The following NOL10 variants were observed in gnomAD, a reference collection of about 807,000 sequenced individuals.
The protein encoded by NOL10 is nucleolar protein 10.
In NOL10, 58 loss-of-function variants were observed where a neutral mutation model predicts 103.5. That is an observed-to-expected ratio of 0.56 (90% CI 0.45 to 0.70). The LOEUF (loss-of-function observed/expected upper bound fraction) is 0.70. Among genes scored for constraint, NOL10 ranks in the 30% least tolerant of loss-of-function variants. The pLI is 0.00. For missense variants in NOL10, 763 were observed against 807.3 expected, an observed-to-expected ratio of 0.95 and a Z score of 0.67; for synonymous variants, 287 against 282.5, an observed-to-expected ratio of 1.02 and a Z score of -0.16.
At chr2:10,681,302 T>C (rs1681737954) in intron 3 of NOL10, among the ~76,000 whole-genome samples, 1 of 152,092 alleles carries the variant, frequency 6.6e-6, no homozygotes, top group African/African-American at 2.4e-5. Context: ...AAAGAAGCTA[T>C]TGACACATAT....
intron 13 of NOL10, among the ~76,000 whole-genome samples, chr2:10,638,952 A>G (rs2148268695): frequency 6.6e-6 from 1 of 151,148 alleles, no homozygotes; most frequent in Non-Finnish European, 1.5e-5. Context: ...ACAGGCACAC[A>G]CCACCACGCC....
chr2:10,598,952 A>T (rs1675838033), intron 17 of NOL10, among the ~76,000 whole-genome samples: 1 of 152,226 alleles, frequency 6.6e-6, no homozygotes, highest in African/African-American at 2.4e-5. Context: ...GAACAATGCT[A>T]ATTTTCCCAC....
At chr2:10,595,918 C>T (rs1675664199) in intron 17 of NOL10, among the ~76,000 whole-genome samples, 1 of 151,730 alleles carries the variant, frequency 6.6e-6, no homozygotes, top group African/African-American at 2.4e-5. Flanking sequence ...GGCACTGTGC[C>T]CAGACTGAAA....
intron 19 of NOL10, among the ~76,000 whole-genome samples, chr2:10,587,517 C>T (rs546970092): frequency 6.6e-6 from 1 of 151,422 alleles, no homozygotes; most frequent in South Asian, 2.1e-4. Context: ...GATCTGCCCC[C>T]CCCTTGGCCT....
chr2:10,684,256 A>G (rs1274515304), intron 2 of NOL10, among the ~76,000 whole-genome samples: 2 of 148,668 alleles, frequency 1.3e-5, no homozygotes, highest in East Asian at 2.0e-4. Context: ...AGCCTGGGCA[A>G]TAAGAGTGAA....
chr2:10,674,030 C>T (rs977131407), intron 4 of NOL10, among the ~76,000 whole-genome samples: 13 of 150,658 alleles, frequency 8.6e-5, no homozygotes, highest in African/African-American at 3.2e-4. Flanking sequence ...TAGTAAGACC[C>T]TATCACTATG....
At chr2:10,606,787 T>C (rs187295088) in intron 14 of NOL10, among the ~76,000 whole-genome samples, 6 of 152,164 alleles carry the variant, frequency 3.9e-5, no homozygotes, top group Non-Finnish European at 5.9e-5. Context: ...TCTTTTATAA[T>C]CAAACCTAAA....
chr2:10,662,736 C>T (rs907861338), intron 9 of NOL10, among the ~76,000 whole-genome samples: 2 of 152,070 alleles, frequency 1.3e-5, no homozygotes, highest in Non-Finnish European at 2.9e-5. Flanking sequence ...TTAATAAAAT[C>T]GTACAGCAAC....
intron 17 of NOL10, among the ~76,000 whole-genome samples, chr2:10,598,013 T>C (rs1675786870): frequency 6.6e-6 from 1 of 152,160 alleles, no homozygotes. Context: ...TGACTGGAGA[T>C]AACAGAAAGG....
chr2:10,600,908 T>G lies in NOL10; in HGVS notation c.1367A>C (p.Lys456Thr). The G allele has an allele frequency of 6.4e-7, 1 of 1,557,194 alleles. No individual in the cohort carries two copies. Among genetic ancestry groups the G allele is most frequent in the Non-Finnish European group, 8.7e-7 (1 of 1,149,196 alleles). Residue 456 changes from lysine to threonine, a missense_variant, in exon 17 of 21, where the codon AAA becomes ACA. Physicochemically the swap from Lys to Thr is moderately conservative, Grantham distance 78 (BLOSUM62 -1). Transcript: ENST00000381685. ...LPKVNKELALKLIEEEEEKQK... is the reference protein window; with the variant it reads ...LPKVNKELALTLIEEEEEKQK... ...CTTCTCCTCTTCTTCCTCAATTAAT[T>G]TAAGTGCCAGCTCTTTGTTAACTTT... is the stretch of plus-strand genomic sequence containing the variant.
intron 3 of NOL10, among the ~76,000 whole-genome samples, chr2:10,680,912 T>C (rs1681712207): frequency 1.3e-5 from 2 of 152,236 alleles, no homozygotes; most frequent in Admixed American, 6.5e-5. Context: ...CGATAAATAC[T>C]GTTAATGTAA....
chr2:10,622,504 A>G (rs1419957455), intron 13 of NOL10, among the ~76,000 whole-genome samples: 1 of 151,050 alleles, frequency 6.6e-6, no homozygotes, highest in Non-Finnish European at 1.5e-5. Flanking sequence ...AAAAGAGAGA[A>G]GAAAAAATAA....
intron 20 of NOL10, among the ~76,000 whole-genome samples, chr2:10,573,086 G>A (rs988580963): frequency 6.7e-6 from 1 of 148,768 alleles, no homozygotes; most frequent in Non-Finnish European, 1.5e-5. Flanking sequence ...ATTTCTTAGC[G>A]GTGGAACTGC....
chr2:10,585,657 G>A (rs1233215403), intron 19 of NOL10, among the ~76,000 whole-genome samples: 1 of 152,142 alleles, frequency 6.6e-6, no homozygotes, highest in African/African-American at 2.4e-5. Flanking sequence ...ATTGGTTCCA[G>A]GACCTCCCTT....
intron 20 of NOL10, among the ~76,000 whole-genome samples, chr2:10,572,843 G>A (rs994789987): frequency 2.0e-5 from 3 of 152,266 alleles, no homozygotes; most frequent in African/African-American, 7.2e-5. Context: ...CTCTCGGGCT[G>A]ACTGCTGGAA....
chr2:10,571,783 T>A lies in NOL10; in HGVS notation c.*288A>T. 3.8e-6 allele frequency: 1 copy of A among 264,850 alleles called. No individual in the cohort carries two copies. Among genetic ancestry groups the A allele is most frequent in the African/African-American group, 2.2e-5 (1 of 44,674 alleles). The allele number at this position is 264,850 out of a possible 1,614,324, so 16.4% of individuals were successfully genotyped here. ...TTTCATGGTGTACATTTCACAATATTAAAAAAACCCCAGCCTGGTTTTCAT... is the reference window on the plus strand; with the variant it reads ...TTTCATGGTGTACATTTCACAATATAAAAAAAACCCCAGCCTGGTTTTCAT... On this transcript the variant is annotated 3_prime_UTR_variant, in exon 21 of 21. Transcript: ENST00000381685.
intron 12 of NOL10, among the ~76,000 whole-genome samples, chr2:10,649,363 C>T (rs1679309421): frequency 7.3e-6 from 1 of 137,736 alleles, no homozygotes; most frequent in African/African-American, 2.8e-5. Flanking sequence ...CTCTGTCGCC[C>T]AGGCTGGAGA....
intron 13 of NOL10, among the ~76,000 whole-genome samples, chr2:10,619,533 T>C (rs932409085): frequency 6.6e-6 from 1 of 152,226 alleles, no homozygotes; most frequent in Non-Finnish European, 1.5e-5. Context: ...TAAAGTTCTC[T>C]TTTAAATTCA....
In NOL10 at chr2:10,603,128, G is replaced by A; in HGVS notation, c.1183C>T (p.Leu395Phe). 1 of 1,611,888 alleles carries A rather than the reference G, an allele frequency of 6.2e-7. No homozygotes were observed. The highest frequency in any genetic ancestry group is 1.3e-5 in the African/African-American group (1 of 74,966). ...GLTHLIGSPF[L>F]RAYMHGFFMD... ...AAAAACCCATGCATATATGCCCGGA[G>A]GAAAGGAGATCCAATGAGGTGGGTG... The change falls in exon 15 of 21, where the codon CTC (leucine) becomes TTC (phenylalanine). Residue 395 changes from leucine (L) to phenylalanine (F), a missense_variant. Coordinates refer to ENST00000381685, the MANE Select transcript of NOL10 (RefSeq NM_024894.4).
Sources: gnomAD v4.1 joint callset for allele counts (sites outside exome capture counted in the v4.1 genomes callset) on GRCh38, gnomAD v4.1.1 for gene constraint, MANE v1.5 for transcripts, NCBI Gene and HGNC (gene_info 2026-07-23, HGNC 2026-07-21) for gene names.